The following PARVA variants were observed in gnomAD, a reference collection of about 807,000 sequenced individuals.
PARVA encodes alpha-parvin.
PARVA carries 25 observed loss-of-function variants against 52.6 expected under a neutral mutation model. The observed-to-expected ratio is 0.48, with a 90% CI of 0.35 to 0.66. PARVA has a LOEUF of 0.66. Ranked by LOEUF, PARVA falls within the 30% of genes least tolerant of loss-of-function variation. The probability of loss-of-function intolerance (pLI) is 0.01; values close to 1 mark genes in which losing one functional copy is unlikely to be tolerated. For synonymous variants in PARVA, 185 were observed against 179.1 expected (o/e 1.03, Z -0.26); for missense variants, 373 against 450.9 (o/e 0.83, Z 1.56).
intron 12 of PARVA, among the ~76,000 whole-genome samples, chr11:12,524,043 A>G (rs1435312960): frequency 6.6e-6 from 1 of 152,272 alleles, no homozygotes; most frequent in East Asian, 1.9e-4. Context: ...TGTCTCCCCT[A>G]TTCACCCGGC....
chr11:12,431,395 A>C (rs1481241055), intron 1 of PARVA, among the ~76,000 whole-genome samples: 2 of 152,232 alleles, frequency 1.3e-5, no homozygotes, highest in African/African-American at 4.8e-5. Flanking sequence ...CCAAACCAGG[A>C]GGCTCAGGCC....
rs1941788557 is a variant in PARVA, at chr11:12,532,812, C to G, written c.*4887C>G. Among the ~76,000 whole-genome samples, 1 of 152,192 alleles carries G rather than the reference C, an allele frequency of 6.6e-6. No homozygotes were observed. The highest frequency in any genetic ancestry group is 6.5e-5 in the Admixed American group (1 of 15,278). On this transcript the variant is annotated 3_prime_UTR_variant, in exon 13 of 13. Coordinates refer to ENST00000334956, the MANE Select transcript of PARVA (RefSeq NM_018222.5). The stretch of plus-strand genomic sequence containing the variant: ...TGGCTCCCCAGAGGAGTGCGGAAAG[C>G]CAGCATGGCTAGAGGACACAGAATG...
intron 1 of PARVA, among the ~76,000 whole-genome samples, chr11:12,469,591 G>A (rs1940903892): frequency 6.6e-6 from 1 of 152,192 alleles, no homozygotes; most frequent in East Asian, 1.9e-4. Context: ...GGGCTGTTTT[G>A]GGAAAGTGGC....
chr11:12,505,680 C>T lies in PARVA; in HGVS notation c.657+1251C>T, dbSNP rs189313668. Among the ~76,000 whole-genome samples, 10 of 152,302 alleles carry T rather than the reference C, an allele frequency of 6.6e-5. No individual in the cohort carries two copies. The East Asian group carries it at 1.7e-3, about 27-fold the overall frequency. ...AATGTCCTCGTTATTGAGCTCTTCA[C>T]TTGTCTCAAACATGGCACTAAGCAT... On this transcript the variant is annotated intron_variant, in intron 6 of 12. Transcript: ENST00000334956.
intron 1 of PARVA, among the ~76,000 whole-genome samples, chr11:12,422,619 G>T (rs1266592958): frequency 6.6e-6 from 1 of 152,018 alleles, no homozygotes; most frequent in Non-Finnish European, 1.5e-5. Flanking sequence ...TTCCCAGTGT[G>T]TGTAATGCAA....
chr11:12,475,959 C>T (rs944422430), intron 3 of PARVA, among the ~76,000 whole-genome samples: 2 of 152,224 alleles, frequency 1.3e-5, no homozygotes, highest in Non-Finnish European at 1.5e-5. Context: ...CCTGCCGCTG[C>T]ACACTCTCCG....
chr11:12,504,902 G>A (rs878963743), intron 6 of PARVA, among the ~76,000 whole-genome samples: 1 of 152,048 alleles, frequency 6.6e-6, no homozygotes, highest in Admixed American at 6.6e-5. Flanking sequence ...GTGCATATAA[G>A]GGAATGTGTG....
intron 1 of PARVA, among the ~76,000 whole-genome samples, chr11:12,442,523 G>A (rs115932560): frequency 4.2e-4 from 64 of 152,278 alleles, no homozygotes; most frequent in African/African-American, 1.4e-3. Context: ...GACACTAGGA[G>A]CTTGAGGCTG....
intron 1 of PARVA, among the ~76,000 whole-genome samples, chr11:12,464,447 A>T (rs1940827751): frequency 6.6e-6 from 1 of 152,180 alleles, no homozygotes; most frequent in African/African-American, 2.4e-5. Flanking sequence ...CAGTATCAGC[A>T]CTGTTAACCC....
intron 5 of PARVA, among the ~76,000 whole-genome samples, chr11:12,499,161 G>A (rs1218029800): frequency 1.3e-5 from 2 of 152,116 alleles, no homozygotes; most frequent in Admixed American, 1.3e-4. Context: ...TGGATTACTA[G>A]GTCAGAGGGA....
At chr11:12,462,439 C>G (rs977026158) in intron 1 of PARVA, among the ~76,000 whole-genome samples, 1 of 152,022 alleles carries the variant, frequency 6.6e-6, no homozygotes, top group African/African-American at 2.4e-5. Flanking sequence ...GACCACAGAC[C>G]AAGGAATGAG....
chr11:12,409,928 A>C (rs79782337), intron 1 of PARVA, among the ~76,000 whole-genome samples: 1 of 152,188 alleles, frequency 6.6e-6, no homozygotes, highest in Non-Finnish European at 1.5e-5. Context: ...TTCACTGCCT[A>C]TTAATTGGTA....
At chr11:12,442,858 C>G (rs533852685) in intron 1 of PARVA, among the ~76,000 whole-genome samples, 25 of 115,588 alleles carry the variant, frequency 2.2e-4, no homozygotes, top group African/African-American at 6.8e-4. Flanking sequence ...TGTTTGCTGA[C>G]TTGACTTCCT....
chr11:12,429,004 GTCTC>G lies in PARVA; in HGVS notation c.137-44735_137-44732del, dbSNP rs756501871. ...TTTTGTTTGTTTTGTTTGAGACACA[GTCTC>G]TCTCTGTTGCCTAGGCTGGAGTGCA... On this transcript the variant is annotated intron_variant, in intron 1 of 12. Coordinates refer to ENST00000334956, the MANE Select transcript of PARVA (RefSeq NM_018222.5). 7.2e-4 allele frequency among the ~76,000 whole-genome samples: 110 copies of G among 152,266 alleles called. 1 individual carries two copies. Among genetic ancestry groups the G allele is most frequent in the Admixed American group, 2.4e-3 (37 of 15,300 alleles).
chr11:12,407,942 C>T (rs1393927497), intron 1 of PARVA, among the ~76,000 whole-genome samples: 1 of 152,244 alleles, frequency 6.6e-6, no homozygotes, highest in African/African-American at 2.4e-5. Flanking sequence ...GTTCAGGAAC[C>T]TGCGATGAGT....
At chr11:12,387,919 A>T (rs1045076255) in intron 1 of PARVA, among the ~76,000 whole-genome samples, 1 of 152,166 alleles carries the variant, frequency 6.6e-6, no homozygotes, top group Non-Finnish European at 1.5e-5. Context: ...TTTAGGAGAG[A>T]TAAGAGACTT....
chr11:12,416,932 G>A (rs1415259763), intron 1 of PARVA, among the ~76,000 whole-genome samples: 1 of 152,116 alleles, frequency 6.6e-6, no homozygotes, highest in African/African-American at 2.4e-5. Context: ...TGTCTTGTGG[G>A]TCTCTAGTAA....
rs1941728561 is a variant in PARVA at position 12,528,247 on chromosome 11, A to G, written c.*322A>G. On this transcript the variant is annotated 3_prime_UTR_variant, in exon 13 of 13. Coordinates refer to ENST00000334956, the MANE Select transcript of PARVA (RefSeq NM_018222.5). Reference sequence around the variant, plus strand: ...AAAGAGTCCCCACAAGATGAAAATAAAGATCCTAGTTACCATTCAAAGGAT... The same window carrying G: ...AAAGAGTCCCCACAAGATGAAAATAGAGATCCTAGTTACCATTCAAAGGAT... 1 of 388,800 alleles carries G rather than the reference A, an allele frequency of 2.6e-6. No individual in the cohort carries two copies. Among genetic ancestry groups the G allele is most frequent in the Admixed American group, 3.7e-5 (1 of 27,150 alleles). 24.1% of individuals were successfully genotyped at this position (388,800 alleles called of 1,614,324 possible). A position where few individuals can be genotyped will look rare whatever the true frequency, so the allele number is the denominator to read the frequency against.
intron 1 of PARVA, among the ~76,000 whole-genome samples, chr11:12,388,980 T>A (rs1368598809): frequency 1.3e-5 from 2 of 152,158 alleles, no homozygotes; most frequent in Non-Finnish European, 2.9e-5. Flanking sequence ...GATAATTAGC[T>A]TATCATCAAT....
Sources: gnomAD v4.1 joint callset for allele counts (sites outside exome capture counted in the v4.1 genomes callset) on GRCh38, gnomAD v4.1.1 for gene constraint, MANE v1.5 for transcripts, NCBI Gene and HGNC (gene_info 2026-07-23, HGNC 2026-07-21) for gene names.